The following PIK3CA variants were observed in gnomAD, a reference collection of about 807,000 sequenced individuals.
PIK3CA encodes phosphatidylinositol 4,5-bisphosphate 3-kinase catalytic subunit alpha isoform.
A neutral mutation model predicts 138.2 loss-of-function variants in PIK3CA; 27 were observed. The ratio of observed to expected loss-of-function variants is 0.20; its 90% confidence interval spans 0.14 to 0.27. The LOEUF (loss-of-function observed/expected upper bound fraction) is 0.27, where lower values mean the gene tolerates loss of function less well. Ranked by LOEUF, PIK3CA falls within the 10% of genes least tolerant of loss-of-function variation. The pLI, the probability that PIK3CA is intolerant of heterozygous loss-of-function variation, is 1.00. For missense variants in PIK3CA, 544 were observed against 1,277.4 expected (o/e 0.43, Z 8.75); for synonymous variants, 358 against 413.2 (o/e 0.87, Z 1.62).
At chr3:179,152,688 CTGAGA>C (rs1321549800) in intron 1 of PIK3CA, among the ~76,000 whole-genome samples, 1 of 152,068 alleles carries the variant, frequency 6.6e-6, no homozygotes, top group Non-Finnish European at 1.5e-5. Flanking sequence ...GTGGACTTAT[CTGAGA>C]TAACAGAAGG....
intron 1 of PIK3CA, among the ~76,000 whole-genome samples, chr3:179,176,953 A>G (rs1184293138): frequency 6.6e-6 from 1 of 152,224 alleles, no homozygotes; most frequent in Admixed American, 6.5e-5. Context: ...CTTTGCAGTT[A>G]CTAGGTTTCA....
chr3:179,170,621 A>G (rs1442224444), intron 1 of PIK3CA, among the ~76,000 whole-genome samples: 1 of 152,238 alleles, frequency 6.6e-6, no homozygotes, highest in Non-Finnish European at 1.5e-5. Flanking sequence ...CCTTCTTCAG[A>G]AAACAGGCAT....
chr3:179,203,867 G>A (rs1576934860), intron 5 of PIK3CA, 78 bp downstream of exon 5: 1 of 1,001,710 alleles, frequency 1.0e-6, no homozygotes, highest in East Asian at 2.5e-5. Context: ...ACAGTAATCT[G>A]TTGACCTGTA....
rs768070937 is a variant in PIK3CA at position 179,230,388 on chromosome 3, C to CA, written c.2936+14dup. ...AGAGAATTTGAGAGGTGAGCTCGAGCAATTAAAAACACAAAATAAAGAGTT... is the reference window on the plus strand; with the variant it reads ...AGAGAATTTGAGAGGTGAGCTCGAGCAAATTAAAAACACAAAATAAAGAGTT... On this transcript the variant is annotated intron_variant, in intron 20 of 20. Transcript: ENST00000263967. The surrounding 1 kb of genome is among the most constrained non-coding windows in gnomAD (Gnocchi z 5.4). The CA allele has an allele frequency of 6.4e-7, 1 of 1,569,254 alleles. No homozygotes were observed. Among genetic ancestry groups the CA allele is most frequent in the Admixed American group, 2.1e-5 (1 of 48,368 alleles).
chr3:179,210,422 A>G lies in PIK3CA; in HGVS notation c.1405-9A>G. 2 of 1,609,864 alleles carry G rather than the reference A, an allele frequency of 1.2e-6. No individual in the cohort carries two copies. Among genetic ancestry groups the G allele is most frequent in the South Asian group, 1.1e-5 (1 of 90,220 alleles). On this transcript the variant is annotated splice_polypyrimidine_tract_variant and intron_variant, in intron 8 of 20. Transcript: ENST00000263967. ...ATGTATATATAATAGCTTTTCTTCC[A>G]TCTCTTAGGAAACTCCATGCTTAGA...
intron 20 of PIK3CA, chr3:179,233,368 T>C (rs1343593044): frequency 5.0e-6 from 2 of 398,220 alleles, no homozygotes; most frequent in Non-Finnish European, 8.9e-6. Flanking sequence ...TTTATTATTT[T>C]GAGGTAAGTC....
At position 179,148,945 on chromosome 3, in the gene PIK3CA, C is replaced by T. The variant is rs1284658138; in HGVS notation, c.-77+342C>T. 2.6e-5 allele frequency among the ~76,000 whole-genome samples: 4 copies of T among 152,286 alleles called. No individual in the cohort carries two copies. In the East Asian group the frequency reaches 7.8e-4, roughly 30 times the overall value. On this transcript the variant is annotated intron_variant, in intron 1 of 20. Coordinates refer to ENST00000263967, the MANE Select transcript of PIK3CA (RefSeq NM_006218.4). ...CGCCCCGGCCGCGGTGGCTCTGTCT[C>T]CCGCGCCCTGCACGCCCACCCAGCC...
intron 1 of PIK3CA, among the ~76,000 whole-genome samples, chr3:179,157,117 ACAG>A (rs778310391): frequency 2.0e-5 from 3 of 152,200 alleles, no homozygotes; most frequent in Non-Finnish European, 2.9e-5. Flanking sequence ...ACCATACATG[ACAG>A]CAGGGAAAGG....
chr3:179,236,022 C>T lies in PIK3CA; in HGVS notation c.*1658C>T, dbSNP rs1164058380. 1.9e-5 allele frequency: 4 copies of T among 205,886 alleles called. No individual in the cohort carries two copies. The East Asian group carries it at 3.0e-4, about 15-fold the overall frequency. The allele number at this position is 205,886 out of a possible 1,614,324, so 12.8% of individuals were successfully genotyped here. On this transcript the variant is annotated 3_prime_UTR_variant, in exon 21 of 21. Coordinates refer to ENST00000263967, the MANE Select transcript of PIK3CA (RefSeq NM_006218.4). ...ATTATTGACAGTTTTTTAGATTAGG[C>T]ATATTATTGGAAAACAACTTTATAA...
intron 1 of PIK3CA, among the ~76,000 whole-genome samples, chr3:179,171,743 G>A (rs1194965407): frequency 6.6e-6 from 1 of 152,056 alleles, no homozygotes; most frequent in East Asian, 1.9e-4. Flanking sequence ...TGAATTAGTA[G>A]TTTAAAACTT....
intron 1 of PIK3CA, among the ~76,000 whole-genome samples, chr3:179,173,858 C>T (rs1723627849): frequency 6.6e-6 from 1 of 151,932 alleles, no homozygotes; most frequent in East Asian, 2.0e-4. Context: ...TCCCAAGTAG[C>T]TGGGATTACA....
chr3:179,232,748 A>G (rs1725241115), intron 20 of PIK3CA, among the ~76,000 whole-genome samples: 1 of 151,980 alleles, frequency 6.6e-6, no homozygotes, highest in Non-Finnish European at 1.5e-5. Context: ...TTGTGTTCTT[A>G]ATTTGATTCT....
intron 1 of PIK3CA, among the ~76,000 whole-genome samples, chr3:179,151,672 T>C (rs188222360): frequency 6.6e-6 from 1 of 152,192 alleles, no homozygotes; most frequent in Admixed American, 6.5e-5. Context: ...GGTCCTTGCT[T>C]CTTTCTCTAG....
rs1168655302 is a variant in PIK3CA at position 179,148,530 on chromosome 3, C to G, written c.-150C>G. 6.6e-6 allele frequency: 1 copy of G among 152,092 alleles called. No homozygotes were observed. The highest frequency in any genetic ancestry group is 2.4e-5 in the African/African-American group (1 of 41,332). The allele number at this position is 152,092 out of a possible 1,614,324, so 9.4% of individuals were successfully genotyped here. A position where few individuals can be genotyped will look rare whatever the true frequency, so the allele number is the denominator to read the frequency against. On this transcript the variant is annotated 5_prime_UTR_variant, in exon 1 of 21. Coordinates refer to ENST00000263967, the MANE Select transcript of PIK3CA (RefSeq NM_006218.4). The stretch of plus-strand genomic sequence containing the variant: ...CCGTGCCGCCCGCTCTCCTCTCCCT[C>G]GGCGCCGCCGCCGCCGCCCGCGGGG...
chr3:179,234,953 CTT>C lies in PIK3CA; in HGVS notation c.*593_*594del. 1 of 221,992 alleles carries C rather than the reference CTT, an allele frequency of 4.5e-6. No individual in the cohort carries two copies. The highest frequency in any genetic ancestry group is 9.0e-6 in the Non-Finnish European group (1 of 111,422). 13.8% of individuals were successfully genotyped at this position (221,992 alleles called of 1,614,324 possible). On this transcript the variant is annotated 3_prime_UTR_variant, in exon 21 of 21. Transcript: ENST00000263967. The surrounding 1 kb of genome is among the most constrained non-coding windows in gnomAD (Gnocchi z 5.1). ...GGGACTCTTGAGATTTCACCAGAGA[CTT>C]TTTCTTTTTAATAAATCAAACCTTT...
intron 1 of PIK3CA, among the ~76,000 whole-genome samples, chr3:179,157,576 TTTTG>T (rs766333717): frequency 1.8e-4 from 28 of 152,214 alleles, no homozygotes; most frequent in African/African-American, 2.6e-4. Context: ...CTGTGGTCTT[TTTTG>T]TTTGTTTGTT....
chr3:179,229,326 G>A lies in PIK3CA; in HGVS notation c.2550G>A (p.Val850=), dbSNP rs1253104649. 3 of 1,613,040 alleles carry A rather than the reference G, an allele frequency of 1.9e-6. No homozygotes were observed. Among genetic ancestry groups the A allele is most frequent in the South Asian group, 2.2e-5 (2 of 91,064 alleles). The change falls in exon 18 of 21, where the codon GTG becomes GTA. Residue 850 remains valine (V), a synonymous_variant. Transcript: ENST00000263967. The stretch of plus-strand genomic sequence containing the variant: ...GTGACTGTGTGGGACTTATTGAGGT[G>A]GTGCGAAATTCTCACACTATTATGC... ...SIGDCVGLIE[V]VRNSHTIMQI...
intron 1 of PIK3CA, among the ~76,000 whole-genome samples, chr3:179,179,601 CA>C (rs1430894006): frequency 6.6e-6 from 1 of 152,104 alleles, no homozygotes; most frequent in African/African-American, 2.4e-5. Context: ...AAGAAGTTGT[CA>C]AAAGTCATCA....
intron 1 of PIK3CA, among the ~76,000 whole-genome samples, chr3:179,187,296 G>A (rs1020023690): frequency 1.3e-5 from 2 of 151,978 alleles, no homozygotes; most frequent in Admixed American, 6.6e-5. Context: ...CCAGCACTTT[G>A]GGAGGCCGAG....
Sources: allele counts gnomAD v4.1 joint callset (sites outside exome capture counted in the v4.1 genomes callset), GRCh38; gene constraint gnomAD v4.1.1; non-coding constraint Gnocchi (gnomAD v3.1); transcripts MANE v1.5; gene names NCBI Gene and HGNC (gene_info 2026-07-23, HGNC 2026-07-21).